The following TMTC4 variants were observed in gnomAD, a reference collection of about 807,000 sequenced individuals.
The protein encoded by TMTC4 is transmembrane O-mannosyltransferase targeting cadherins 4.
Under a neutral mutation model 86.0 loss-of-function variants are expected in TMTC4, and 65 were observed. The observed-to-expected ratio is 0.76, with a 90% CI of 0.62 to 0.93. The LOEUF (loss-of-function observed/expected upper bound fraction) is 0.93, where lower values mean the gene tolerates loss of function less well. TMTC4 is among the 40% of genes least tolerant of loss of function. TMTC4 has a pLI of 0.00. For missense variants in TMTC4, 866 were observed against 948.1 expected, an observed-to-expected ratio of 0.91 and a Z score of 1.14; for synonymous variants, 379 against 382.5, an observed-to-expected ratio of 0.99 and a Z score of 0.11.
chr13:100,610,199 A>G (rs1403826701), intron 17 of TMTC4, among the ~76,000 whole-genome samples: 1 of 152,218 alleles, frequency 6.6e-6, no homozygotes, highest in African/African-American at 2.4e-5. Context: ...CTGCCCTGCC[A>G]TCAAGATAGC....
intron 1 of TMTC4, chr13:100,674,393 T>C: frequency 2.1e-6 from 2 of 930,862 alleles, no homozygotes; most frequent in Non-Finnish European, 2.5e-6. Flanking sequence ...AGGCGCCGGG[T>C]GCGCCCGGGC....
At chr13:100,671,160 T>A (rs903229517) in intron 1 of TMTC4, among the ~76,000 whole-genome samples, 2 of 152,252 alleles carry the variant, frequency 1.3e-5, no homozygotes, top group African/African-American at 4.8e-5. Context: ...AGTGAATTTA[T>A]TGGCTCATGC....
At chr13:100,618,082 A>G (rs1372384916) in intron 15 of TMTC4, among the ~76,000 whole-genome samples, 1 of 152,096 alleles carries the variant, frequency 6.6e-6, no homozygotes, top group Non-Finnish European at 1.5e-5. Context: ...CAGGTATTTT[A>G]TCCTTTTTAT....
upstream of TMTC4, chr13:100,675,036 C>G: frequency 1.0e-6 from 1 of 985,680 alleles, no homozygotes. Flanking sequence ...GGGCGCTAGT[C>G]GGCGGCGAAG....
At chr13:100,636,773 G>C in intron 9 of TMTC4, 39 bp from the exon 10 acceptor site, 1 of 1,607,284 alleles carries the variant, frequency 6.2e-7, no homozygotes, top group East Asian at 2.2e-5. Flanking sequence ...ATTTGATACT[G>C]AACTTAAAAA....
At position 100,636,719 on chromosome 13, in the gene TMTC4, A is replaced by G; in HGVS notation, c.1015T>C (p.Tyr339His). 6.2e-7 allele frequency: 1 copy of G among 1,614,140 alleles called. No homozygotes were observed. Among genetic ancestry groups the G allele is most frequent in the African/African-American group, 1.3e-5 (1 of 75,066 alleles). Reference sequence around the variant, plus strand: ...AGCCAGGCATTCAATGAATAGTAGTAATTGTAGTTTACGGCCTGCCAGTCA... The same window carrying G: ...AGCCAGGCATTCAATGAATAGTAGTGATTGTAGTTTACGGCCTGCCAGTCA... The part of the protein sequence containing the change: ...SMLVRAVNYN[Y>H]YYSLNAWLLL... The change falls in exon 10 of 19, where the codon TAC (tyrosine) becomes CAC (histidine). Residue 339 changes from tyrosine (Y) to histidine (H), a missense_variant. Physicochemically the swap from Tyr to His is moderately conservative, Grantham distance 83. Transcript: ENST00000342624.
intron 1 of TMTC4, among the ~76,000 whole-genome samples, chr13:100,672,294 GA>G (rs996016907): frequency 6.6e-6 from 1 of 152,236 alleles, no homozygotes; most frequent in African/African-American, 2.4e-5. Flanking sequence ...CTTTTGGGCA[GA>G]CCCGGGGCAC....
At chr13:100,653,120 G>A (rs902391321) in intron 6 of TMTC4, among the ~76,000 whole-genome samples, 3 of 152,158 alleles carry the variant, frequency 2.0e-5, no homozygotes, top group African/African-American at 7.2e-5. Flanking sequence ...TCCTAAAAAA[G>A]ACTCTTAAGT....
chr13:100,664,119 A>G, intron 4 of TMTC4, 102 bp downstream of exon 4: 1 of 1,007,552 alleles, frequency 9.9e-7, no homozygotes, highest in Non-Finnish European at 1.4e-6. Context: ...GGAGCCACTG[A>G]CTAGACTCCT....
At chr13:100,666,807 G>A (rs1474105019) in intron 3 of TMTC4, among the ~76,000 whole-genome samples, 2 of 152,188 alleles carry the variant, frequency 1.3e-5, no homozygotes. Context: ...AGGCAACACA[G>A]TGAGACTCTG....
chr13:100,637,502 G>A (rs1555344259), intron 9 of TMTC4, 36 bp downstream of exon 9: 2 of 1,579,138 alleles, frequency 1.3e-6, no homozygotes, highest in East Asian at 2.3e-5. Flanking sequence ...GGTGGGGGAA[G>A]AAAAGAGTCC....
chr13:100,643,919 T>G (rs549469058), intron 6 of TMTC4, among the ~76,000 whole-genome samples: 4 of 152,132 alleles, frequency 2.6e-5, no homozygotes, highest in Admixed American at 2.6e-4. Context: ...ACACCGTGAC[T>G]CTCATTAAAC....
intron 15 of TMTC4, among the ~76,000 whole-genome samples, chr13:100,621,658 C>T (rs1366062661): frequency 1.3e-5 from 2 of 152,206 alleles, no homozygotes; most frequent in Admixed American, 6.5e-5. Context: ...ATCTCCTGAC[C>T]TTGTGATCCA....
intron 7 of TMTC4, among the ~76,000 whole-genome samples, chr13:100,640,208 C>T (rs1165817893): frequency 6.6e-6 from 1 of 151,790 alleles, no homozygotes; most frequent in African/African-American, 2.4e-5. Context: ...TGTCTGGAGA[C>T]ATTTTAGGTT....
intron 15 of TMTC4, among the ~76,000 whole-genome samples, chr13:100,623,218 T>G (rs1879816800): frequency 6.6e-6 from 1 of 152,184 alleles, no homozygotes; most frequent in South Asian, 2.1e-4. Flanking sequence ...CCTGGGTGAT[T>G]CATTATTGTT....
Position 100,670,433 on chromosome 13 carries a change from C to T in TMTC4, c.-71G>A, listed in dbSNP as rs1886942393. The T allele has an allele frequency of 1.3e-6, 2 of 1,539,526 alleles. No individual in the cohort carries two copies. The highest frequency in any genetic ancestry group is 1.8e-6 in the Non-Finnish European group (2 of 1,134,080). ...ATTTACAATCCAGAGATGAAACAGG[C>T]CGCAACTCTTCCACTGCTTGTCTCT... On this transcript the variant is annotated 5_prime_UTR_variant, in exon 2 of 19. Coordinates refer to ENST00000342624, the MANE Select transcript of TMTC4 (RefSeq NM_032813.5).
At chr13:100,632,053 A>ACACACTCTCTCTCTCTCTCTCT (rs1296569630) in intron 12 of TMTC4, among the ~76,000 whole-genome samples, 7 of 43,082 alleles carry the variant, frequency 1.6e-4, no homozygotes, top group Non-Finnish European at 1.9e-4. Context: ...ACACACACAC[A>ACACACTCTCTCTCTCTCTCTCT]CTCTCTCTCT....
At chr13:100,671,042 T>C (rs1385224721) in intron 1 of TMTC4, among the ~76,000 whole-genome samples, 1 of 152,180 alleles carries the variant, frequency 6.6e-6, no homozygotes, top group African/African-American at 2.4e-5. Context: ...GAAAATTAAA[T>C]GTGAAGGAAA....
intron 15 of TMTC4, among the ~76,000 whole-genome samples, chr13:100,616,831 C>T (rs1037182911): frequency 1.5e-4 from 23 of 152,168 alleles, no homozygotes; most frequent in African/African-American, 5.6e-4. Flanking sequence ...TGAGAAGTGT[C>T]TGGTCACGCC....
Sources: gnomAD v4.1 joint callset for allele counts (sites outside exome capture counted in the v4.1 genomes callset) on GRCh38, gnomAD v4.1.1 for gene constraint, MANE v1.5 for transcripts, NCBI Gene and HGNC (gene_info 2026-07-23, HGNC 2026-07-21) for gene names.